Variants in CTNNA2 observed in about 807,000 individuals in gnomAD.
CTNNA2 encodes the protein catenin alpha-2.
Under a neutral mutation model 101.0 loss-of-function variants are expected in CTNNA2, and 42 were observed. The observed-to-expected ratio is 0.42, with a 90% CI of 0.32 to 0.54. The LOEUF is 0.54. Ranked by LOEUF, CTNNA2 falls within the 20% of genes least tolerant of loss-of-function variation. The probability of loss-of-function intolerance (pLI) is 0.14; values close to 1 mark genes in which losing one functional copy is unlikely to be tolerated. For missense variants in CTNNA2, 871 were observed against 1,223.1 expected (o/e 0.71, Z 4.29); for synonymous variants, 450 against 456.4 (o/e 0.99, Z 0.18).
intron 18 of CTNNA2, among the ~76,000 whole-genome samples, chr2:80,622,850 A>C (rs1424544074): frequency 1.4e-5 from 2 of 147,982 alleles, no homozygotes; most frequent in Admixed American, 6.8e-5. Context: ...AGATTATAAG[A>C]ACTTAGTAAG....
At chr2:80,396,192 C>A (rs1264709052) in intron 8 of CTNNA2, among the ~76,000 whole-genome samples, 1 of 152,032 alleles carries the variant, frequency 6.6e-6, no homozygotes, top group Non-Finnish European at 1.5e-5. Flanking sequence ...GCAACATATC[C>A]CAAGGAACTG....
At chr2:79,733,255 T>C (rs1573821331) in intron 2 of CTNNA2, among the ~76,000 whole-genome samples, 4 of 152,234 alleles carry the variant, frequency 2.6e-5, no homozygotes, top group Admixed American at 2.6e-4. Flanking sequence ...TTAAGGACAC[T>C]GGGATGAGAT....
At chr2:79,805,230 A>G (rs1012234472) in intron 3 of CTNNA2, among the ~76,000 whole-genome samples, 29 of 152,322 alleles carry the variant, frequency 1.9e-4, no homozygotes, top group Non-Finnish European at 3.4e-4. Context: ...TAGGACCAGA[A>G]ATGTTTCAGA....
chr2:79,687,651 A>T (rs1684025098), intron 2 of CTNNA2: 1 of 658,542 alleles, frequency 1.5e-6, no homozygotes, highest in Admixed American at 2.6e-5. Flanking sequence ...TACCTGTTGA[A>T]TTGGGTAACT....
intron 3 of CTNNA2, among the ~76,000 whole-genome samples, chr2:79,795,276 T>C (rs1675607657): frequency 6.6e-6 from 1 of 152,156 alleles, no homozygotes; most frequent in South Asian, 2.1e-4. Flanking sequence ...TTGTATATTA[T>C]GTTATTAAAG....
intron 2 of CTNNA2, among the ~76,000 whole-genome samples, chr2:79,730,358 G>A (rs1687121538): frequency 6.6e-6 from 1 of 152,036 alleles, no homozygotes; most frequent in Non-Finnish European, 1.5e-5. Context: ...TAATTCTAGA[G>A]TAGAAACTAA....
At chr2:79,802,154 C>T (rs569423233) in intron 3 of CTNNA2, among the ~76,000 whole-genome samples, 34 of 152,134 alleles carry the variant, frequency 2.2e-4, no homozygotes, top group Middle Eastern at 6.8e-3. Context: ...ATTGGTGCCA[C>T]CAGCAAAGAC....
rs544393054 is a variant in CTNNA2, at chr2:79,403,742, A to G, written c.-135+29729A>G. 5.9e-5 allele frequency among the ~76,000 whole-genome samples: 9 copies of G among 152,144 alleles called. No individual in the cohort carries two copies. In the South Asian group the frequency reaches 1.9e-3, roughly 31 times the overall value. On this transcript the variant is annotated intron_variant, in intron 4 of 21. Coordinates refer to the CTNNA2 transcript ENST00000466387. ...TGAGATGCCAGGTTAGACCCATTTG[A>G]CTAACAAAAATCTAAAAGTAGGGTT... is the stretch of plus-strand genomic sequence containing the variant.
At chr2:80,188,065 C>A (rs1401220724) in intron 7 of CTNNA2, among the ~76,000 whole-genome samples, 1 of 152,158 alleles carries the variant, frequency 6.6e-6, no homozygotes, top group Non-Finnish European at 1.5e-5. Flanking sequence ...AAGCCAGTGC[C>A]CCCAACCTAT....
intron 2 of CTNNA2, among the ~76,000 whole-genome samples, chr2:79,287,657 C>T (rs1438579912): frequency 1.3e-5 from 2 of 151,814 alleles, no homozygotes; most frequent in African/African-American, 2.4e-5. Flanking sequence ...TCAAAGCTGT[C>T]AGACAGGGAC....
At chr2:79,423,398 C>T (rs1678558778) in intron 4 of CTNNA2, among the ~76,000 whole-genome samples, 1 of 151,990 alleles carries the variant, frequency 6.6e-6, no homozygotes, top group African/African-American at 2.4e-5. Flanking sequence ...CAGCTGAGTC[C>T]TGAATAAATT....
intron 3 of CTNNA2, among the ~76,000 whole-genome samples, chr2:79,823,858 A>C (rs1423773366): frequency 6.6e-6 from 1 of 152,172 alleles, no homozygotes; most frequent in African/African-American, 2.4e-5. Flanking sequence ...GGTAGATAAA[A>C]ACCTTACTAC....
chr2:80,573,853 T>A (rs1694812668), intron 12 of CTNNA2, among the ~76,000 whole-genome samples: 2 of 152,112 alleles, frequency 1.3e-5, no homozygotes, highest in African/African-American at 4.8e-5. Flanking sequence ...TGCAACTCAG[T>A]TTGGGGTTAG....
chr2:80,275,104 G>A (rs1673791883), intron 7 of CTNNA2, among the ~76,000 whole-genome samples: 1 of 152,098 alleles, frequency 6.6e-6, no homozygotes, highest in Non-Finnish European at 1.5e-5. Flanking sequence ...GGAGATATTG[G>A]TTTTGTTTTT....
At chr2:80,343,489 T>C (rs542890401) in intron 7 of CTNNA2, among the ~76,000 whole-genome samples, 1 of 152,112 alleles carries the variant, frequency 6.6e-6, no homozygotes, top group Non-Finnish European at 1.5e-5. Context: ...GATTATATAA[T>C]TGGGAAGTTT....
At chr2:80,341,640 T>G (rs1672258415) in intron 7 of CTNNA2, among the ~76,000 whole-genome samples, 1 of 152,136 alleles carries the variant, frequency 6.6e-6, no homozygotes, top group Non-Finnish European at 1.5e-5. Flanking sequence ...TATGGAGAAA[T>G]TAGAACCCTC....
intron 1 of CTNNA2, among the ~76,000 whole-genome samples, chr2:79,586,573 G>T (rs1676505881): frequency 6.8e-6 from 1 of 147,130 alleles, no homozygotes. Context: ...TCTGTTTTAA[G>T]TTTGAATTTT....
intron 2 of CTNNA2, among the ~76,000 whole-genome samples, chr2:79,211,533 G>A (rs1385941692): frequency 2.0e-5 from 3 of 152,146 alleles, no homozygotes; most frequent in Non-Finnish European, 4.4e-5. Context: ...GTTCTCTGGC[G>A]GGCAGGAGTG....
At chr2:80,412,145 C>T (rs553901991) in intron 8 of CTNNA2, among the ~76,000 whole-genome samples, 12 of 152,156 alleles carry the variant, frequency 7.9e-5, no homozygotes, top group Non-Finnish European at 1.6e-4. Context: ...CTCCCTGGGA[C>T]CCTGAGGCAG....
Sources: allele counts gnomAD v4.1 joint callset (sites outside exome capture counted in the v4.1 genomes callset), GRCh38; gene constraint gnomAD v4.1.1; transcripts MANE v1.5; gene names NCBI Gene and HGNC (gene_info 2026-07-23, HGNC 2026-07-21).